Variants in GPR149 observed in about 807,000 individuals in gnomAD.
The protein encoded by GPR149 is probable G protein-coupled receptor 149.
GPR149 carries 50 observed loss-of-function variants against 50.2 expected under a neutral mutation model. That is an observed-to-expected ratio of 1.00 (90% CI 0.79 to 1.26). GPR149 has a LOEUF of 1.26. Ranked by LOEUF, GPR149 falls within the 50% of genes most tolerant of loss-of-function variation. The pLI, the probability that GPR149 is intolerant of heterozygous loss-of-function variation, is 0.00. For missense variants in GPR149, 983 were observed against 895.4 expected (o/e 1.10, Z -1.25); for synonymous variants, 405 against 358.2 (o/e 1.13, Z -1.48).
intron 3 of GPR149, among the ~76,000 whole-genome samples, chr3:154,347,183 G>A (rs1023734025): frequency 3.3e-5 from 5 of 152,256 alleles, no homozygotes; most frequent in South Asian, 2.1e-4. Context: ...ATTGCACTTG[G>A]CATTTTACAT....
chr3:154,371,394 A>C (rs942864957), intron 3 of GPR149, among the ~76,000 whole-genome samples: 5 of 152,112 alleles, frequency 3.3e-5, no homozygotes, highest in Admixed American at 6.6e-5. Flanking sequence ...AGGAGTTACA[A>C]AGTCTCCTTA....
chr3:154,390,031 A>G (rs1715131772), intron 3 of GPR149, among the ~76,000 whole-genome samples: 1 of 152,182 alleles, frequency 6.6e-6, no homozygotes, highest in South Asian at 2.1e-4. Flanking sequence ...AGCATGTTCT[A>G]GATGCCTGAT....
chr3:154,395,513 G>C (rs991340761), intron 3 of GPR149, among the ~76,000 whole-genome samples: 3 of 151,274 alleles, frequency 2.0e-5, no homozygotes, highest in Non-Finnish European at 2.9e-5. Flanking sequence ...GTTACTTTTT[G>C]GGCTTTAGCC....
chr3:154,363,346 C>G (rs1714459012), intron 3 of GPR149, among the ~76,000 whole-genome samples: 1 of 151,668 alleles, frequency 6.6e-6, no homozygotes, highest in South Asian at 2.1e-4. Flanking sequence ...ATTATTCAGT[C>G]TTGAATAATT....
Position 154,373,483 on chromosome 3 carries a change from G to A in GPR149, c.1624-35212C>T, listed in dbSNP as rs533912841. 1.4e-4 allele frequency among the ~76,000 whole-genome samples: 21 copies of A among 152,258 alleles called. No homozygotes were observed. The East Asian group carries it at 1.5e-3, about 11-fold the overall frequency. On this transcript the variant is annotated intron_variant, in intron 3 of 3. Transcript: ENST00000389740. The stretch of plus-strand genomic sequence containing the variant: ...AAAGGAACCCAGGAGCTTTCATCAC[G>A]GATTGCCAAGTACTTTAATTAAATA...
chr3:154,344,866 A>G (rs138095761), intron 3 of GPR149, among the ~76,000 whole-genome samples: 168 of 152,328 alleles, frequency 1.1e-3, no homozygotes, highest in African/African-American at 3.8e-3. Flanking sequence ...GTTTTCAACC[A>G]TCTTAATTTG....
At chr3:154,377,880 C>T (rs977780045) in intron 3 of GPR149, among the ~76,000 whole-genome samples, 3 of 152,050 alleles carry the variant, frequency 2.0e-5, no homozygotes, top group African/African-American at 7.2e-5. Flanking sequence ...CTTCCCAGCC[C>T]TGATAATCAC....
chr3:154,371,908 G>A (rs148107091), intron 3 of GPR149, among the ~76,000 whole-genome samples: 25 of 148,556 alleles, frequency 1.7e-4, no homozygotes, highest in African/African-American at 4.5e-4. Context: ...CCTCAGGATC[G>A]AGGCCATCAA....
At chr3:154,406,241 G>C (rs778738481) in intron 3 of GPR149, among the ~76,000 whole-genome samples, 15 of 152,038 alleles carry the variant, frequency 9.9e-5, no homozygotes, top group Non-Finnish European at 1.3e-4. Context: ...TATCACACTG[G>C]AAAAAGTTTA....
At chr3:154,353,678 TG>T in intron 3 of GPR149, 2 of 1,349,938 alleles carry the variant, frequency 1.5e-6, no homozygotes, top group Admixed American at 1.8e-5. Flanking sequence ...GTTCCCTTGC[TG>T]GAGCCAAAAC....
At chr3:154,384,808 G>T (rs1318946503) in intron 3 of GPR149, among the ~76,000 whole-genome samples, 1 of 152,088 alleles carries the variant, frequency 6.6e-6, no homozygotes, top group Non-Finnish European at 1.5e-5. Context: ...GCTAATTTAG[G>T]GCTTGTCATT....
chr3:154,359,754 C>T (rs758788799), intron 3 of GPR149, among the ~76,000 whole-genome samples: 12 of 152,112 alleles, frequency 7.9e-5, no homozygotes, highest in Non-Finnish European at 1.2e-4. Flanking sequence ...GTATCTTATC[C>T]CATAACACCC....
intron 3 of GPR149, among the ~76,000 whole-genome samples, chr3:154,380,621 A>G (rs1215257137): frequency 1.3e-5 from 2 of 152,196 alleles, no homozygotes; most frequent in African/African-American, 4.8e-5. Context: ...AAATTATTTC[A>G]AGGTCAAATT....
At position 154,405,324 on chromosome 3, in the gene GPR149, C is replaced by G. The variant is rs1340881083; in HGVS notation, c.1623+15715G>C. ...GTGAATATGGCCAGGTGTGGTGGCTCACGCAGGTAATCCCAGCACTTTGGG... is the reference window on the plus strand; with the variant it reads ...GTGAATATGGCCAGGTGTGGTGGCTGACGCAGGTAATCCCAGCACTTTGGG... On this transcript the variant is annotated intron_variant, in intron 3 of 3. Transcript: ENST00000389740. 4.6e-5 allele frequency among the ~76,000 whole-genome samples: 7 copies of G among 152,130 alleles called. No homozygotes were observed. In the East Asian group the frequency reaches 1.2e-3, roughly 25 times the overall value.
chr3:154,379,045 C>T (rs1714860233), intron 3 of GPR149, among the ~76,000 whole-genome samples: 1 of 1,656 alleles, frequency 6.0e-4, no homozygotes. Flanking sequence ...TCAAGACCAT[C>T]CTGGCTAACA....
rs1451028576 is a variant in GPR149 at position 154,429,358 on chromosome 3, G to C, written c.258C>G (p.Thr86=). Residue 86 remains threonine (T), a synonymous_variant, in exon 1 of 4, where the codon ACC becomes ACG. Transcript: ENST00000389740. ...TTGGCCACTGCAAAAACATGAAGAT[G>C]GTCACCGACAGGACGCTCATGAGAT... ...VDDLMSVLSV[T]IFMFLQWPNE... 5.0e-6 allele frequency: 8 copies of C among 1,614,150 alleles called. No individual in the cohort carries two copies. Among genetic ancestry groups the C allele is most frequent in the Non-Finnish European group, 8.5e-7 (1 of 1,180,022 alleles).
At chr3:154,418,998 T>C (rs1712064271) in intron 3 of GPR149, among the ~76,000 whole-genome samples, 2 of 152,074 alleles carry the variant, frequency 1.3e-5, no homozygotes, top group African/African-American at 4.8e-5. Context: ...GTTTTAAAAT[T>C]TATGATAGTA....
At chr3:154,352,410 A>T in intron 3 of GPR149, 2 of 937,454 alleles carry the variant, frequency 2.1e-6, no homozygotes, top group Non-Finnish European at 1.8e-6. Context: ...ATCGTGCCAC[A>T]CTGCCTGTAA....
rs201526065 is a variant in GPR149 at position 154,378,090 on chromosome 3, T to A, written c.1624-39819A>T. On this transcript the variant is annotated intron_variant, in intron 3 of 3. Transcript: ENST00000389740. ...TTATATTGATATATCCCCCCCCCCT[T>A]TTTTTTTTTTTGAGATGGAGTCCCC... Among the ~76,000 whole-genome samples the A allele has an allele frequency of 1.2e-4, 4 of 33,908 alleles. No individual in the cohort carries two copies. The East Asian group carries it at 3.0e-3, about 25-fold the overall frequency. 22.2% of individuals were successfully genotyped at this position (33,908 alleles called of 152,430 possible). A position where few individuals can be genotyped will look rare whatever the true frequency, so the allele number is the denominator to read the frequency against.
Sources: gnomAD v4.1 joint callset for allele counts (sites outside exome capture counted in the v4.1 genomes callset) on GRCh38, gnomAD v4.1.1 for gene constraint, MANE v1.5 for transcripts, NCBI Gene and HGNC (gene_info 2026-07-23, HGNC 2026-07-21) for gene names.